The following LRBA variants were observed in gnomAD, a reference collection of about 807,000 sequenced individuals.
LRBA encodes the protein LPS responsive beige-like anchor protein, also known as lipopolysaccharide-responsive and beige-like anchor protein.
Under a neutral mutation model 330.0 loss-of-function variants are expected in LRBA, and 176 were observed. That is an observed-to-expected ratio of 0.53 (90% CI 0.47 to 0.60). LRBA has a LOEUF of 0.60. LRBA is among the 20% of genes least tolerant of loss of function. The pLI is 0.00. For missense variants in LRBA, 3,259 were observed against 3,444.8 expected, an observed-to-expected ratio of 0.95 and a Z score of 1.35; for synonymous variants, 1,230 against 1,193.0, an observed-to-expected ratio of 1.03 and a Z score of -0.64.
At chr4:150,796,786 C>A (rs1262958645) in intron 34 of LRBA, among the ~76,000 whole-genome samples, 2 of 151,834 alleles carry the variant, frequency 1.3e-5, no homozygotes, top group African/African-American at 2.4e-5. Context: ...AATTTATATT[C>A]TTGTAAGGAA....
intron 56 of LRBA, among the ~76,000 whole-genome samples, chr4:150,273,500 TAAAAG>T (rs2126721555): frequency 6.6e-6 from 1 of 152,262 alleles, no homozygotes; most frequent in South Asian, 2.1e-4. Flanking sequence ...ATGCTCCAAT[TAAAAG>T]ACACAGACTG....
chr4:150,369,395 G>T (rs1474682833), intron 47 of LRBA, among the ~76,000 whole-genome samples: 1 of 152,148 alleles, frequency 6.6e-6, no homozygotes, highest in Non-Finnish European at 1.5e-5. Context: ...GAAAGCACAA[G>T]AAGGTTGAAT....
At chr4:150,675,377 AT>A in intron 37 of LRBA, among the ~76,000 whole-genome samples, 1 of 152,198 alleles carries the variant, frequency 6.6e-6, no homozygotes, top group African/African-American at 2.4e-5. Flanking sequence ...AATACTACCT[AT>A]CTCATTGCTC....
At chr4:150,671,807 G>C (rs2126869455) in intron 37 of LRBA, among the ~76,000 whole-genome samples, 1 of 152,316 alleles carries the variant, frequency 6.6e-6, no homozygotes, top group African/African-American at 2.4e-5. Context: ...AGGGCAGCCA[G>C]CAAGAAAGGG....
chr4:150,459,545 TAA>T (rs551479083), intron 44 of LRBA, among the ~76,000 whole-genome samples: 544 of 151,910 alleles, frequency 3.6e-3, no homozygotes, highest in Non-Finnish European at 6.2e-3. Flanking sequence ...ATCTGTAAAA[TAA>T]AGACAATAAC....
intron 47 of LRBA, among the ~76,000 whole-genome samples, chr4:150,353,363 AATAAG>A (rs1339284563): frequency 1.3e-5 from 2 of 152,168 alleles, no homozygotes; most frequent in African/African-American, 4.8e-5. Context: ...AAAATTGTTT[AATAAG>A]ATAAAACAGT....
At chr4:150,635,953 A>G (rs1777857495) in intron 37 of LRBA, among the ~76,000 whole-genome samples, 1 of 152,180 alleles carries the variant, frequency 6.6e-6, no homozygotes, top group South Asian at 2.1e-4. Context: ...ATTATTTTGT[A>G]GAATGTCCCT....
In LRBA at chr4:150,516,215, C is replaced by CTTTTTTTTTTTTTTTTTTTTTTTTTTTTT. The variant is rs1384014823; in HGVS notation, c.6331-25181_6331-25180insAAAAAAAAAAAAAAAAAAAAAAAAAAAAA. Among the ~76,000 whole-genome samples the CTTTTTTTTTTTTTTTTTTTTTTTTTTTTT allele has an allele frequency of 6.9e-5, 6 of 86,712 alleles. 2 individuals carry two copies. Among genetic ancestry groups the CTTTTTTTTTTTTTTTTTTTTTTTTTTTTT allele is most frequent in the Non-Finnish European group, 8.9e-5 (4 of 45,162 alleles). The allele number at this position is 86,712 out of a possible 152,430, so 56.9% of individuals were successfully genotyped here. A position where few individuals can be genotyped will look rare whatever the true frequency, so the allele number is the denominator to read the frequency against. On this transcript the variant is annotated intron_variant, in intron 40 of 56. Coordinates refer to ENST00000651943, the MANE Select transcript of LRBA (RefSeq NM_001364905.1). ...GTAATTCAGTCTGACATTTTCTATT[C>CTTTTTTTTTTTTTTTTTTTTTTTTTTTTT]TCTTTTTTTTTTTTTTTTTTTTTTT...
At chr4:150,812,603 T>A (rs578245186) in intron 31 of LRBA, among the ~76,000 whole-genome samples, 9 of 152,256 alleles carry the variant, frequency 5.9e-5, no homozygotes, top group African/African-American at 1.9e-4. Context: ...ATTGAATGAA[T>A]AAAAATAAGC....
intron 17 of LRBA, among the ~76,000 whole-genome samples, chr4:150,886,959 G>A (rs915975329): frequency 6.6e-6 from 1 of 152,014 alleles, no homozygotes; most frequent in African/African-American, 2.4e-5. Context: ...GAAAATAAAG[G>A]TTAACAAAGT....
At chr4:150,710,099 A>G (rs1322974367) in intron 36 of LRBA, among the ~76,000 whole-genome samples, 2 of 152,118 alleles carry the variant, frequency 1.3e-5, no homozygotes, top group African/African-American at 4.8e-5. Context: ...GGGAAGAAAA[A>G]TAAGACAAGA....
At chr4:150,305,784 A>AT (rs1393992708) in intron 52 of LRBA, among the ~76,000 whole-genome samples, 6 of 152,088 alleles carry the variant, frequency 3.9e-5, no homozygotes, top group Admixed American at 1.3e-4. Context: ...GGAAAACATT[A>AT]TTTTTTTAAG....
intron 36 of LRBA, among the ~76,000 whole-genome samples, chr4:150,707,882 T>A (rs541019665): frequency 3.3e-5 from 5 of 151,780 alleles, no homozygotes; most frequent in South Asian, 2.1e-4. Flanking sequence ...AATAAAAAAA[T>A]TTTCAGTGTA....
intron 40 of LRBA, among the ~76,000 whole-genome samples, chr4:150,497,226 G>A (rs72957829): frequency 6.6e-6 from 1 of 152,148 alleles, no homozygotes; most frequent in African/African-American, 2.4e-5. Context: ...AGCATAGCAC[G>A]TAATTTACTC....
intron 17 of LRBA, among the ~76,000 whole-genome samples, chr4:150,882,187 T>C (rs1232041665): frequency 1.3e-5 from 2 of 152,130 alleles, no homozygotes; most frequent in Non-Finnish European, 2.9e-5. Flanking sequence ...CACAAGAAGA[T>C]CAAAAGAACC....
intron 47 of LRBA, among the ~76,000 whole-genome samples, chr4:150,411,900 G>A (rs1367311102): frequency 2.0e-5 from 3 of 151,998 alleles, no homozygotes; most frequent in Non-Finnish European, 4.4e-5. Flanking sequence ...AAAGAGGAGG[G>A]GGATGAAACT....
intron 47 of LRBA, among the ~76,000 whole-genome samples, chr4:150,390,552 ATATT>A (rs1743772247): frequency 6.6e-6 from 1 of 152,136 alleles, no homozygotes; most frequent in Non-Finnish European, 1.5e-5. Context: ...CCCTTGACAC[ATATT>A]TCTTATTCCA....
intron 37 of LRBA, among the ~76,000 whole-genome samples, chr4:150,605,238 T>A (rs1046637704): frequency 6.6e-6 from 1 of 152,340 alleles, no homozygotes; most frequent in East Asian, 1.9e-4. Flanking sequence ...ATGAGTCAAA[T>A]GTATTCATGT....
At chr4:150,853,781 T>C (rs1228608870) in intron 22 of LRBA, among the ~76,000 whole-genome samples, 1 of 152,148 alleles carries the variant, frequency 6.6e-6, no homozygotes, top group Non-Finnish European at 1.5e-5. Flanking sequence ...TCCATTGGTG[T>C]TTCAATGGTA....
Sources: gnomAD v4.1 joint callset for allele counts (sites outside exome capture counted in the v4.1 genomes callset) on GRCh38, gnomAD v4.1.1 for gene constraint, MANE v1.5 for transcripts, NCBI Gene and HGNC (gene_info 2026-07-23, HGNC 2026-07-21) for gene names.